The following DNM1L variants were observed in gnomAD, a reference collection of about 807,000 sequenced individuals.
DNM1L encodes dynamin 1L.
A neutral mutation model predicts 92.8 loss-of-function variants in DNM1L; 33 were observed. The ratio of observed to expected loss-of-function variants is 0.36; its 90% CI spans 0.27 to 0.48. DNM1L has a LOEUF of 0.48. DNM1L is among the 20% of genes least tolerant of loss of function. The pLI, the probability that DNM1L is intolerant of heterozygous loss-of-function variation, is 0.99. For missense variants in DNM1L, 485 were observed against 888.8 expected, an observed-to-expected ratio of 0.55 and a Z score of 5.78; for synonymous variants, 284 against 305.0, an observed-to-expected ratio of 0.93 and a Z score of 0.72.
chr12:32,709,416 T>G (rs914390868), intron 4 of DNM1L: 1 of 152,186 alleles, frequency 6.6e-6, no homozygotes, highest in Admixed American at 6.5e-5. Context: ...ATTTAGAGTG[T>G]TGTGATGATT....
Position 32,731,807 on chromosome 12 carries a change from A to AAAAAAGC in DNM1L, c.1357-42_1357-41insGCAAAAA. The stretch of plus-strand genomic sequence containing the variant: ...TGGCTTAGTGAGACTATGACTTAAA[A>AAAAAAGC]AAAAAACAAAAAACAAACACGTTTT... On this transcript the variant is annotated intron_variant, in intron 11 of 19. Transcript: ENST00000549701. This position sits in a 1 kb window ranked among gnomAD's most constrained non-coding sequence, Gnocchi z 5.1. The AAAAAAGC allele has an allele frequency of 6.6e-7, 1 of 1,520,018 alleles. No homozygotes were observed. The highest frequency in any genetic ancestry group is 9.1e-7 in the Non-Finnish European group (1 of 1,096,962). 94.2% of individuals were successfully genotyped at this position (1,520,018 alleles called of 1,614,324 possible).
Position 32,679,399 on chromosome 12 carries a change from G to C in DNM1L, c.36G>C (p.Gln12His), listed in dbSNP as rs201348675. The C allele has an allele frequency of 6.2e-7, 1 of 1,613,904 alleles. No individual in the cohort carries two copies. The highest frequency in any genetic ancestry group is 1.3e-5 in the African/African-American group (1 of 75,064). ...TAATTCCTGTCATAAACAAGCTCCA[G>C]GACGTCTTCAACACGGTGGGCGCCG... ...EALIPVINKL[Q>H]DVFNTVGADI... is the part of the protein sequence containing the mutation. Residue 12 changes from glutamine (Q) to histidine (H), a missense_variant, in exon 1 of 20, where the codon CAG (glutamine) becomes CAC (histidine). This residue lies in a region of DNM1L where 19 missense variants were observed against 16.1 expected (regional missense o/e 1.18). Coordinates refer to ENST00000549701, the MANE Select transcript of DNM1L (RefSeq NM_012062.5).
intron 12 of DNM1L, 98 bp downstream of exon 12, chr12:32,732,041 G>A: frequency 2.3e-6 from 2 of 863,138 alleles, no homozygotes; most frequent in East Asian, 2.5e-5. Flanking sequence ...TTACTTTAGA[G>A]TGTAGGCATA....
At chr12:32,726,102 T>C (rs1349707595) in intron 9 of DNM1L, among the ~76,000 whole-genome samples, 2 of 149,060 alleles carry the variant, frequency 1.3e-5, no homozygotes, top group African/African-American at 5.1e-5. Flanking sequence ...TTAATTTTCA[T>C]AGCTGTACTC....
At chr12:32,713,013 A>G (rs1953199618) in intron 5 of DNM1L, among the ~76,000 whole-genome samples, 196 bp from the exon 6 acceptor site, 1 of 152,192 alleles carries the variant, frequency 6.6e-6, no homozygotes, top group African/African-American at 2.4e-5. Flanking sequence ...TCAACTTTTG[A>G]TATTTGCAAG....
rs1955464758 is a variant in DNM1L, at chr12:32,743,572, C to T, written c.*162C>T. 4.6e-6 allele frequency: 3 copies of T among 650,220 alleles called. 1 individual carries two copies. In the Admixed American group the frequency reaches 8.2e-5, roughly 18 times the overall value. The allele number at this position is 650,220 out of a possible 1,614,324, so 40.3% of individuals were successfully genotyped here. On this transcript the variant is annotated 3_prime_UTR_variant, in exon 20 of 20. Coordinates refer to ENST00000549701, the MANE Select transcript of DNM1L (RefSeq NM_012062.5). ...AAAGTGTATTCCAAATTGCAGAACA[C>T]ATCACACATTTAATCCAAATAATAA...
intron 9 of DNM1L, chr12:32,727,111 C>A (rs1002925778): frequency 1.4e-6 from 1 of 734,134 alleles, no homozygotes; most frequent in East Asian, 2.6e-5. Context: ...TCAGTCTTGG[C>A]CTTTTCTTTC....
chr12:32,696,405 C>CACAT (rs1565495986), intron 1 of DNM1L, among the ~76,000 whole-genome samples: 2 of 151,250 alleles, frequency 1.3e-5, no homozygotes, highest in Non-Finnish European at 3.0e-5. Context: ...CACACACACA[C>CACAT]ACACACACAC....
At chr12:32,695,404 AATG>A (rs1225294906) in intron 1 of DNM1L, among the ~76,000 whole-genome samples, 13 of 152,332 alleles carry the variant, frequency 8.5e-5, no homozygotes, top group African/African-American at 3.1e-4. Context: ...AAGACACTAC[AATG>A]ATAAGACATT....
chr12:32,680,029 G>C (rs1951749105), intron 1 of DNM1L: 1 of 984,450 alleles, frequency 1.0e-6, no homozygotes, highest in Non-Finnish European at 1.2e-6. Context: ...AATTCCACCA[G>C]GTTTCGAGAA....
chr12:32,691,271 G>A (rs1011560067), intron 1 of DNM1L, among the ~76,000 whole-genome samples: 5 of 152,020 alleles, frequency 3.3e-5, no homozygotes, highest in Non-Finnish European at 5.9e-5. Flanking sequence ...ATGGAGTCTC[G>A]CTCTGTCGCC....
At chr12:32,736,944 TTTC>T in intron 13 of DNM1L, 158 bp from the exon 14 acceptor site, 4 of 703,006 alleles carry the variant, frequency 5.7e-6, no homozygotes, top group East Asian at 5.6e-5. Flanking sequence ...GGTTAAATGA[TTTC>T]TTATTTATTT....
At chr12:32,700,095 G>A (rs981062336) in intron 1 of DNM1L, among the ~76,000 whole-genome samples, 2 of 152,074 alleles carry the variant, frequency 1.3e-5, no homozygotes, top group Non-Finnish European at 2.9e-5. Flanking sequence ...TTCGGGTTTG[G>A]TTTTATACAT....
intron 1 of DNM1L, chr12:32,680,050 G>A: frequency 3.1e-6 from 3 of 973,162 alleles, no homozygotes; most frequent in South Asian, 4.8e-5. Flanking sequence ...CGCCGAAGCA[G>A]CATTTTAAAA....
At position 32,718,248 on chromosome 12, in the gene DNM1L, TCTC is replaced by T. The variant is rs1317845780; in HGVS notation, c.620-392_620-390del. On this transcript the variant is annotated intron_variant, in intron 6 of 19. Coordinates refer to ENST00000549701, the MANE Select transcript of DNM1L (RefSeq NM_012062.5). ...CCTCTGCCTCTCGGGTTCAAGCAAT[TCTC>T]CTGCTTCAGCCTCCCGAGCAGCTGG... 4.0e-5 allele frequency among the ~76,000 whole-genome samples: 6 copies of T among 150,394 alleles called. No homozygotes were observed. In the Admixed American group the frequency reaches 4.1e-4, roughly 10 times the overall value.
rs138133550 is a variant in DNM1L at position 32,740,190 on chromosome 12, A to C, written c.1834A>C (p.Ile612Leu). ...AGAAGAAAAATCAAAACCCATTCCAATTATGCCAGCCAGTCCACAAAAAGG... is the reference window on the plus strand; with the variant it reads ...AGAAGAAAAATCAAAACCCATTCCACTTATGCCAGCCAGTCCACAAAAAGG... ...LAEEKSKPIPIMPASPQKGHA... is the reference protein window; with the variant it reads ...LAEEKSKPIPLMPASPQKGHA... Residue 612 changes from isoleucine to leucine, a missense_variant, in exon 17 of 20, where the codon ATT becomes CTT. By Grantham distance (5) the Ile-to-Leu change is conservative. Coordinates refer to ENST00000549701, the MANE Select transcript of DNM1L (RefSeq NM_012062.5). The C allele has an allele frequency of 6.2e-7, 1 of 1,614,186 alleles. No individual in the cohort carries two copies. Among genetic ancestry groups the C allele is most frequent in the African/African-American group, 1.3e-5 (1 of 75,052 alleles).
At chr12:32,713,122 A>G (rs1004469230) in intron 5 of DNM1L, 87 bp from the exon 6 acceptor site, 8 of 1,292,254 alleles carry the variant, frequency 6.2e-6, no homozygotes, top group Non-Finnish European at 8.8e-6. Context: ...TTAAATGGAT[A>G]TACCTATATT....
intron 18 of DNM1L, among the ~76,000 whole-genome samples, 157 bp from the exon 19 acceptor site, chr12:32,742,432 C>CAGTT (rs1168737498): frequency 6.6e-6 from 1 of 152,126 alleles, no homozygotes; most frequent in East Asian, 1.9e-4. Context: ...TGTTTAATTA[C>CAGTT]AGTTAAGCAA....
chr12:32,737,987 G>A, intron 15 of DNM1L, 45 bp downstream of exon 15: 1 of 1,578,484 alleles, frequency 6.3e-7, no homozygotes, highest in South Asian at 1.1e-5. Context: ...TTGTTCTCTG[G>A]TACAACATAA....
Sources: allele counts gnomAD v4.1 joint callset (sites outside exome capture counted in the v4.1 genomes callset), GRCh38; gene constraint gnomAD v4.1.1; regional missense constraint gnomAD v4.1.1; non-coding constraint Gnocchi (gnomAD v3.1); transcripts MANE v1.5; gene names NCBI Gene and HGNC (gene_info 2026-07-23, HGNC 2026-07-21).